The following DPYD variants were observed in gnomAD, a reference collection of about 807,000 sequenced individuals.
DPYD encodes dihydropyrimidine dehydrogenase [NADP(+)].
A neutral mutation model predicts 116.2 loss-of-function variants in DPYD; 109 were observed. The observed-to-expected ratio is 0.94, with a 90% CI of 0.80 to 1.10. The LOEUF (loss-of-function observed/expected upper bound fraction) is 1.10, where lower values mean the gene tolerates loss of function less well. Ranked by LOEUF, DPYD falls within the 50% of genes least tolerant of loss-of-function variation. The pLI is 0.00. For missense variants in DPYD, 1,302 were observed against 1,254.5 expected, an observed-to-expected ratio of 1.04 and a Z score of -0.57; for synonymous variants, 440 against 432.0, an observed-to-expected ratio of 1.02 and a Z score of -0.23.
chr1:97,229,546 G>GTA (rs55638142), intron 19 of DPYD, among the ~76,000 whole-genome samples: 5,125 of 56,324 alleles, frequency 0.091, 410 homozygotes, highest in Middle Eastern at 0.16. Context: ...ACCATCCTAA[G>GTA]TATATATATA....
chr1:97,834,208 A>T (rs1190360403), intron 2 of DPYD, among the ~76,000 whole-genome samples: 6 of 152,086 alleles, frequency 3.9e-5, no homozygotes, highest in Non-Finnish European at 8.8e-5. Context: ...TCAAACATCA[A>T]ATTTCTAATT....
intron 3 of DPYD, among the ~76,000 whole-genome samples, chr1:97,805,810 A>T (rs970813530): frequency 2.0e-5 from 3 of 151,858 alleles, no homozygotes; most frequent in African/African-American, 7.2e-5. Context: ...TAATTGGAAA[A>T]TTAAGAGAAC....
chr1:97,887,345 C>T (rs1672547830), intron 1 of DPYD, among the ~76,000 whole-genome samples: 1 of 151,198 alleles, frequency 6.6e-6, no homozygotes, highest in South Asian at 2.1e-4. Context: ...TGGCATATGC[C>T]TGTGGTCTCA....
intron 18 of DPYD, among the ~76,000 whole-genome samples, chr1:97,255,864 A>G (rs1490959482): frequency 6.6e-6 from 1 of 152,072 alleles, no homozygotes; most frequent in Non-Finnish European, 1.5e-5. Context: ...TCAGCAGCAG[A>G]ACAGCAGACT....
intron 20 of DPYD, among the ~76,000 whole-genome samples, chr1:97,105,873 TAGG>T (rs1289361448): frequency 1.3e-5 from 2 of 152,036 alleles, no homozygotes; most frequent in Non-Finnish European, 2.9e-5. Flanking sequence ...TGCCTAGTTG[TAGG>T]AGGAGAAGAG....
chr1:97,613,802 G>A (rs1222415510), intron 8 of DPYD, among the ~76,000 whole-genome samples: 1 of 151,984 alleles, frequency 6.6e-6, no homozygotes, highest in South Asian at 2.1e-4. Context: ...GGCACAAGTA[G>A]AAAGGATAAT....
At chr1:97,882,415 A>G (rs545136993) in intron 2 of DPYD, among the ~76,000 whole-genome samples, 5 of 152,158 alleles carry the variant, frequency 3.3e-5, no homozygotes, top group African/African-American at 9.6e-5. Context: ...ATAATATAAG[A>G]AGGAGGAAAG....
intron 20 of DPYD, among the ~76,000 whole-genome samples, chr1:97,161,946 C>T (rs1655939908): frequency 6.6e-6 from 1 of 151,856 alleles, no homozygotes; most frequent in African/African-American, 2.4e-5. Flanking sequence ...GTATATGTGC[C>T]ACATTTTTTT....
chr1:97,817,977 C>G (rs1024651081), intron 3 of DPYD, among the ~76,000 whole-genome samples: 1 of 152,052 alleles, frequency 6.6e-6, no homozygotes, highest in African/African-American at 2.4e-5. Context: ...CGACTTAGCT[C>G]TGCACTTTTC....
intron 5 of DPYD, among the ~76,000 whole-genome samples, chr1:97,716,948 A>T (rs1231062247): frequency 1.3e-5 from 2 of 151,994 alleles, no homozygotes; most frequent in Non-Finnish European, 2.9e-5. Context: ...TTTAATTATT[A>T]TTAATACATA....
chr1:97,716,941 A>T (rs1360446097), intron 5 of DPYD, among the ~76,000 whole-genome samples: 2 of 151,982 alleles, frequency 1.3e-5, no homozygotes, highest in African/African-American at 2.4e-5. Flanking sequence ...TTTTATTTTT[A>T]ATTATTATTA....
chr1:97,686,628 C>T (rs1660746396), intron 7 of DPYD, among the ~76,000 whole-genome samples: 1 of 97,408 alleles, frequency 1.0e-5, no homozygotes, highest in South Asian at 4.0e-4. Context: ...CAGAGCGAGA[C>T]TCTGTCTCAA....
At chr1:97,839,590 A>C (rs916829102) in intron 2 of DPYD, among the ~76,000 whole-genome samples, 3 of 152,078 alleles carry the variant, frequency 2.0e-5, no homozygotes, top group Non-Finnish European at 4.4e-5. Context: ...TCAATATTAC[A>C]TATTTTACTT....
chr1:97,748,793 C>T (rs1664702357), intron 3 of DPYD, among the ~76,000 whole-genome samples: 1 of 152,152 alleles, frequency 6.6e-6, no homozygotes. Context: ...TTACAGTGTA[C>T]TGTATATGGA....
At chr1:97,495,385 C>G (rs1679205064) in intron 13 of DPYD, among the ~76,000 whole-genome samples, 1 of 152,100 alleles carries the variant, frequency 6.6e-6, no homozygotes, top group African/African-American at 2.4e-5. Flanking sequence ...GCTCCCTCTT[C>G]CCTTCATTGA....
rs536797334 is a variant in DPYD at position 97,638,884 on chromosome 1, C to T, written c.850+40211G>A. ...ATCTAGTCCCATGATTCAAACACCT[C>T]CCACTAAGCCCCAACTCTAACAATG... On this transcript the variant is annotated intron_variant, in intron 8 of 22. Coordinates refer to ENST00000370192, the MANE Select transcript of DPYD (RefSeq NM_000110.4). Among the ~76,000 whole-genome samples the T allele has an allele frequency of 1.6e-3, 251 of 152,214 alleles. 5 individuals carry two copies. Among genetic ancestry groups the T allele is most frequent in the Middle Eastern group, 0.014 (4 of 294 alleles).
At chr1:97,674,536 A>C (rs1229556423) in intron 8 of DPYD, among the ~76,000 whole-genome samples, 2 of 152,152 alleles carry the variant, frequency 1.3e-5, no homozygotes, top group Non-Finnish European at 2.9e-5. Flanking sequence ...TCAGAAGATG[A>C]ACAATCAGAA....
At chr1:97,915,633 T>A (rs1674173824) in intron 1 of DPYD, among the ~76,000 whole-genome samples, 1 of 152,158 alleles carries the variant, frequency 6.6e-6, no homozygotes, top group South Asian at 2.1e-4. Flanking sequence ...ATGTCACATT[T>A]TAAAATCAAA....
chr1:97,211,145 T>C (rs998813021), intron 19 of DPYD, among the ~76,000 whole-genome samples: 3 of 152,218 alleles, frequency 2.0e-5, no homozygotes, highest in South Asian at 2.1e-4. Flanking sequence ...TACAAAGTAC[T>C]GCATGATCTG....
Sources: gnomAD v4.1 joint callset for allele counts (sites outside exome capture counted in the v4.1 genomes callset) on GRCh38, gnomAD v4.1.1 for gene constraint, MANE v1.5 for transcripts, NCBI Gene and HGNC (gene_info 2026-07-23, HGNC 2026-07-21) for gene names.